WWOX: variants seen among roughly 807,000 people sequenced by gnomAD.
WWOX encodes WW domain containing oxidoreductase, also known as WW domain-containing oxidoreductase.
A neutral mutation model predicts 46.2 loss-of-function variants in WWOX; 69 were observed. The observed-to-expected ratio is 1.49, with a 90% CI of 1.23 to 1.82. The LOEUF is 1.82. WWOX is among the 40% of genes most tolerant of loss of function. WWOX has a pLI of 0.00. For synonymous variants in WWOX, 359 were observed against 202.6 expected (o/e 1.77, Z -6.56); for missense variants, 919 against 542.6 (o/e 1.69, Z -6.89).
chr16:78,823,134 G>C (rs2051551233), intron 8 of WWOX, among the ~76,000 whole-genome samples: 1 of 152,224 alleles, frequency 6.6e-6, no homozygotes. Flanking sequence ...TTGTGGTTCT[G>C]TGAATTAATA....
At chr16:78,276,921 G>A (rs919336611) in intron 5 of WWOX, among the ~76,000 whole-genome samples, 2 of 152,106 alleles carry the variant, frequency 1.3e-5, no homozygotes, top group African/African-American at 2.4e-5. Context: ...ATTCACGTCT[G>A]AGATTCCGTT....
At chr16:78,231,564 G>T (rs1390287760) in intron 5 of WWOX, among the ~76,000 whole-genome samples, 5 of 152,144 alleles carry the variant, frequency 3.3e-5, no homozygotes, top group African/African-American at 1.2e-4. Context: ...GAATCCAAAT[G>T]CTTAAATTCA....
intron 8 of WWOX, among the ~76,000 whole-genome samples, chr16:79,097,342 C>G (rs2049096986): frequency 6.7e-6 from 1 of 149,446 alleles, no homozygotes; most frequent in East Asian, 1.9e-4. Flanking sequence ...GTATCTGGCT[C>G]CAAAACTTTT....
intron 8 of WWOX, among the ~76,000 whole-genome samples, chr16:78,905,062 G>A (rs147119868): frequency 3.9e-5 from 6 of 152,062 alleles, no homozygotes; most frequent in Non-Finnish European, 4.4e-5. Flanking sequence ...CTAGAAATGT[G>A]AGTCTCTGAG....
At chr16:78,761,138 T>C (rs939006826) in intron 8 of WWOX, among the ~76,000 whole-genome samples, 2 of 152,222 alleles carry the variant, frequency 1.3e-5, no homozygotes, top group East Asian at 3.9e-4. Flanking sequence ...GGCTAATGAC[T>C]GAGCGGGGGC....
chr16:78,239,755 G>A (rs1318111621), intron 5 of WWOX, among the ~76,000 whole-genome samples: 1 of 151,934 alleles, frequency 6.6e-6, no homozygotes, highest in African/African-American at 2.4e-5. Context: ...GGCTGGTCTC[G>A]AACTCCTGAC....
chr16:78,575,043 AT>A (rs1567655087), intron 8 of WWOX, among the ~76,000 whole-genome samples: 104 of 5,498 alleles, frequency 0.019, 5 homozygotes, highest in Non-Finnish European at 0.024. Flanking sequence ...ATATATATAT[AT>A]ATATATATAT....
chr16:78,669,364 A>T (rs1294870793), intron 8 of WWOX, among the ~76,000 whole-genome samples: 1 of 152,216 alleles, frequency 6.6e-6, no homozygotes, highest in African/African-American at 2.4e-5. Context: ...CAACTTCTTC[A>T]ACTAGAATGG....
chr16:78,312,657 G>A (rs925180290), intron 5 of WWOX, among the ~76,000 whole-genome samples: 8 of 152,314 alleles, frequency 5.3e-5, no homozygotes, highest in African/African-American at 1.9e-4. Flanking sequence ...TTACAGGCAT[G>A]AGCCACTGTG....
chr16:78,746,952 T>A (rs991630634), intron 8 of WWOX, among the ~76,000 whole-genome samples: 1 of 152,036 alleles, frequency 6.6e-6, no homozygotes, highest in African/African-American at 2.4e-5. Context: ...CCTATACCAT[T>A]TAGAATAAAA....
chr16:79,022,039 G>C (rs1466067455), intron 8 of WWOX, among the ~76,000 whole-genome samples: 1 of 152,224 alleles, frequency 6.6e-6, no homozygotes, highest in African/African-American at 2.4e-5. Flanking sequence ...ACATGAATAG[G>C]AGAGGGTTAG....
At chr16:78,397,379 C>T (rs116083899) in intron 6 of WWOX, among the ~76,000 whole-genome samples, 4,703 of 152,192 alleles carry the variant, frequency 0.031, 139 homozygotes, top group African/African-American at 0.071. Flanking sequence ...CTTATAATGA[C>T]TCTAAGAGTG....
At chr16:79,139,275 G>A (rs998504716) in intron 8 of WWOX, among the ~76,000 whole-genome samples, 2 of 152,200 alleles carry the variant, frequency 1.3e-5, no homozygotes, top group East Asian at 3.9e-4. Flanking sequence ...TGCTGATCAC[G>A]TTAAGCCAGG....
chr16:79,188,942 G>A (rs2051073436), intron 8 of WWOX, among the ~76,000 whole-genome samples: 2 of 152,126 alleles, frequency 1.3e-5, no homozygotes, highest in African/African-American at 4.8e-5. Flanking sequence ...TCTCATAAAT[G>A]CTCAATAATT....
At chr16:78,184,943 C>T (rs980267757) in intron 5 of WWOX, among the ~76,000 whole-genome samples, 1 of 152,204 alleles carries the variant, frequency 6.6e-6, no homozygotes, top group African/African-American at 2.4e-5. Context: ...GTATTTTCAT[C>T]ATGAGTTGCT....
intron 8 of WWOX, among the ~76,000 whole-genome samples, chr16:79,065,880 T>C (rs2048432161): frequency 6.6e-6 from 1 of 152,202 alleles, no homozygotes; most frequent in African/African-American, 2.4e-5. Context: ...ATGGTCACAA[T>C]TTCACAAAGG....
chr16:78,979,101 C>T (rs1411549532), intron 8 of WWOX, among the ~76,000 whole-genome samples: 22 of 141,440 alleles, frequency 1.6e-4, no homozygotes, highest in Non-Finnish European at 8.9e-5. Context: ...TTTTTTTTTC[C>T]CTATACAGAC....
intron 8 of WWOX, among the ~76,000 whole-genome samples, chr16:79,035,041 T>C (rs1192624907): frequency 4.6e-5 from 7 of 152,252 alleles, no homozygotes. Flanking sequence ...CTTGTCAACA[T>C]TTCCTACATT....
At chr16:78,743,555 A>G (rs2049280255) in intron 8 of WWOX, among the ~76,000 whole-genome samples, 1 of 152,190 alleles carries the variant, frequency 6.6e-6, no homozygotes, top group African/African-American at 2.4e-5. Context: ...TTAAATCAAA[A>G]GGAAAACACC....
Sources: gnomAD v4.1 joint callset for allele counts (sites outside exome capture counted in the v4.1 genomes callset) on GRCh38, gnomAD v4.1.1 for gene constraint, MANE v1.5 for transcripts, NCBI Gene and HGNC (gene_info 2026-07-23, HGNC 2026-07-21) for gene names.